The following AFDN variants were observed in gnomAD, a reference collection of about 807,000 sequenced individuals.
The protein encoded by AFDN is afadin, adherens junction formation factor, also known as afadin.
In AFDN, 68 loss-of-function variants were observed where a neutral mutation model predicts 216.6. The ratio of observed to expected loss-of-function variants is 0.31; its 90% CI spans 0.26 to 0.38. The LOEUF (loss-of-function observed/expected upper bound fraction) is 0.38, where lower values mean the gene tolerates loss of function less well. AFDN is among the 10% of genes least tolerant of loss of function. AFDN has a pLI of 1.00. For missense variants in AFDN, 2,136 were observed against 2,342.0 expected (o/e 0.91, Z 1.82); for synonymous variants, 868 against 853.7 (o/e 1.02, Z -0.29).
chr6:167,834,079 T>G (rs1036099352), intron 1 of AFDN, among the ~76,000 whole-genome samples: 3 of 152,192 alleles, frequency 2.0e-5, no homozygotes, highest in Non-Finnish European at 4.4e-5. Context: ...TTAATTTCAT[T>G]GGGAAAAACT....
rs769149694 is a variant in AFDN at position 167,925,113 on chromosome 6, G to A, written c.3099+22G>A. 1.5e-5 allele frequency: 24 copies of A among 1,550,424 alleles called. No homozygotes were observed. In the East Asian group the frequency reaches 3.4e-4, roughly 22 times the overall value. ...AAAGGTAGGCCAATTAGTCACGTGC[G>A]AGTTGTTCTCTCCAGTCTTTCGGCA... On this transcript the variant is annotated intron_variant, in intron 23 of 33. Coordinates refer to ENST00000683244, the MANE Select transcript of AFDN (RefSeq NM_001386888.1).
chr6:167,935,578 T>G (rs2128582554), intron 23 of AFDN, among the ~76,000 whole-genome samples: 1 of 152,374 alleles, frequency 6.6e-6, no homozygotes, highest in South Asian at 2.1e-4. Flanking sequence ...TCAACTTTTC[T>G]TTAAAGAAAC....
chr6:167,872,682 GT>G (rs1467231285), intron 4 of AFDN, among the ~76,000 whole-genome samples: 1 of 152,104 alleles, frequency 6.6e-6, no homozygotes, highest in East Asian at 1.9e-4. Flanking sequence ...CTTCAGCTGG[GT>G]TTTTTCCTCA....
intron 31 of AFDN, chr6:167,965,115 A>G (rs2128757388): frequency 1.0e-6 from 1 of 973,548 alleles, no homozygotes; most frequent in Non-Finnish European, 1.2e-6. Flanking sequence ...TGGAAAGCAT[A>G]TTTGTTAGAT....
rs568057922 is a variant in AFDN at position 167,844,860 on chromosome 6, T to G, written c.105+17623T>G. ...CATCCTTTTCTTTTCTTTTTTTTTT[T>G]TTTTTTTTTTGGTTTTTGAGACAGG... On this transcript the variant is annotated intron_variant, in intron 1 of 33. Transcript: ENST00000683244. 4.1e-3 allele frequency among the ~76,000 whole-genome samples: 598 copies of G among 145,290 alleles called. 9 individuals carry two copies. Among genetic ancestry groups the G allele is most frequent in the African/African-American group, 0.015 (575 of 39,254 alleles).
intron 26 of AFDN, 49 bp downstream of exon 26, chr6:167,944,108 G>C (rs377758660): frequency 1.9e-4 from 270 of 1,432,062 alleles, no homozygotes; most frequent in Non-Finnish European, 2.6e-4. Context: ...TGGCCTCTTT[G>C]AATGGTCACA....
At chr6:167,867,899 G>GTAAA (rs1784367136) in intron 2 of AFDN, among the ~76,000 whole-genome samples, 1 of 152,150 alleles carries the variant, frequency 6.6e-6, no homozygotes, top group African/African-American at 2.4e-5. Flanking sequence ...GAGGGTGGTG[G>GTAAA]TAAACTATTG....
chr6:167,948,558 C>T (rs1274792577), intron 29 of AFDN, 80 bp downstream of exon 29: 1 of 1,347,778 alleles, frequency 7.4e-7, no homozygotes, highest in Non-Finnish European at 1.0e-6. Flanking sequence ...TTAATATTTT[C>T]TATAGAACAG....
intron 1 of AFDN, among the ~76,000 whole-genome samples, chr6:167,855,713 G>T (rs1409095168): frequency 2.6e-5 from 4 of 151,990 alleles, no homozygotes; most frequent in African/African-American, 7.2e-5. Context: ...AGACTCCAGT[G>T]GTCACTTAGC....
Position 167,890,934 on chromosome 6 carries a change from G to A in AFDN, c.1082G>A (p.Gly361Asp). Reference sequence around the variant, plus strand: ...AAGAAAACCAAGAAACACTTGGAAGGCAAGACACCCAAGGGAAAGGAGAGA... The same window carrying A: ...AAGAAAACCAAGAAACACTTGGAAGACAAGACACCCAAGGGAAAGGAGAGA... Reference protein sequence around the residue: ...IPKKTKKHLEGKTPKGKERAD... With the variant: ...IPKKTKKHLEDKTPKGKERAD... Residue 361 changes from glycine to aspartate, a missense_variant, in exon 8 of 34, where the codon GGC (glycine) becomes GAC (aspartate). By Grantham distance (94) the Gly-to-Asp change is moderately conservative. Coordinates refer to ENST00000683244, the MANE Select transcript of AFDN (RefSeq NM_001386888.1). 1 of 1,614,058 alleles carries A rather than the reference G, an allele frequency of 6.2e-7. No individual in the cohort carries two copies. Among genetic ancestry groups the A allele is most frequent in the Non-Finnish European group, 8.5e-7 (1 of 1,179,980 alleles).
chr6:167,969,795 T>C lies in AFDN; in HGVS notation c.5356T>C (p.Ser1786Pro). 6.2e-7 allele frequency: 1 copy of C among 1,609,564 alleles called. No individual in the cohort carries two copies. Among genetic ancestry groups the C allele is most frequent in the Non-Finnish European group, 8.5e-7 (1 of 1,178,914 alleles). Residue 1786 changes from serine to proline, a missense_variant, in exon 34 of 34, where the codon TCA becomes CCA. Transcript: ENST00000683244. Reference sequence around the variant, plus strand: ...CCTCTTCTGCAGCCAAGATGCAGATTCACCTGGAAGTTCTGGGGCCCCTGA... The same window carrying C: ...CCTCTTCTGCAGCCAAGATGCAGATCCACCTGGAAGTTCTGGGGCCCCTGA... ...EKRSKSQDAD[S>P]PGSSGAPENL...
intron 1 of AFDN, among the ~76,000 whole-genome samples, chr6:167,835,490 T>C (rs1780326497): frequency 6.6e-6 from 1 of 152,254 alleles, no homozygotes; most frequent in Admixed American, 6.5e-5. Context: ...AAGGGCTTTA[T>C]GTATGCCTCC....
chr6:167,912,421 T>C (rs1224731409), intron 15 of AFDN, among the ~76,000 whole-genome samples: 1 of 152,212 alleles, frequency 6.6e-6, no homozygotes, highest in African/African-American at 2.4e-5. Context: ...ACTAAGATCT[T>C]TTAGTTCCTT....
chr6:167,838,401 C>T (rs963324791), intron 1 of AFDN, among the ~76,000 whole-genome samples: 2 of 152,142 alleles, frequency 1.3e-5, no homozygotes, highest in African/African-American at 4.8e-5. Context: ...TGGATGTTGC[C>T]CTAGCCCTTC....
chr6:167,846,123 C>G (rs904253722), intron 1 of AFDN, among the ~76,000 whole-genome samples: 5 of 144,024 alleles, frequency 3.5e-5, no homozygotes, highest in African/African-American at 1.2e-4. Flanking sequence ...CACAGCCAAA[C>G]CATATCACTT....
intron 6 of AFDN, among the ~76,000 whole-genome samples, chr6:167,884,800 G>A (rs140500012): frequency 2.0e-5 from 3 of 152,170 alleles, no homozygotes; most frequent in Non-Finnish European, 4.4e-5. Context: ...AGCTTCATTC[G>A]CCCCTAACAA....
At chr6:167,874,295 A>T (rs575337062) in intron 4 of AFDN, among the ~76,000 whole-genome samples, 1 of 152,208 alleles carries the variant, frequency 6.6e-6, no homozygotes, top group South Asian at 2.1e-4. Flanking sequence ...CATCTTGTTT[A>T]TGGGGTGATA....
Position 167,940,546 on chromosome 6 carries a change from GAC to G in AFDN, c.3100-2579_3100-2578del, listed in dbSNP as rs1794576226. 4.8e-5 allele frequency among the ~76,000 whole-genome samples: 2 copies of G among 41,580 alleles called. 1 individual carries two copies. The highest frequency in any genetic ancestry group is 2.9e-4 in the African/African-American group (2 of 6,954). The allele number at this position is 41,580 out of a possible 152,430, so 27.3% of individuals were successfully genotyped here. ...CATCCACAGGAGAGATGTGTGGACA[GAC>G]ACAGAGGGATGTAGGGGTGAGGGTG... On this transcript the variant is annotated intron_variant, in intron 23 of 33. Coordinates refer to ENST00000683244, the MANE Select transcript of AFDN (RefSeq NM_001386888.1).
intron 16 of AFDN, chr6:167,913,882 A>G: frequency 2.1e-6 from 1 of 466,960 alleles, no homozygotes; most frequent in Non-Finnish European, 3.8e-6. Context: ...TTGGTGTTAT[A>G]TTATTTGATA....
Sources: allele counts gnomAD v4.1 joint callset (sites outside exome capture counted in the v4.1 genomes callset), GRCh38; gene constraint gnomAD v4.1.1; transcripts MANE v1.5; gene names NCBI Gene and HGNC (gene_info 2026-07-23, HGNC 2026-07-21).